The following CFAP299 variants were observed in gnomAD, a reference collection of about 807,000 sequenced individuals.
The protein encoded by CFAP299 is cilia and flagella associated protein 299.
A neutral mutation model predicts 27.0 loss-of-function variants in CFAP299; 21 were observed. That is an observed-to-expected ratio of 0.78 (90% CI 0.55 to 1.12). The LOEUF (loss-of-function observed/expected upper bound fraction) is 1.12, where lower values mean the gene tolerates loss of function less well. CFAP299 is among the 50% of genes most tolerant of loss of function. The pLI is 0.00. For missense variants in CFAP299, 310 were observed against 276.6 expected, an observed-to-expected ratio of 1.12 and a Z score of -0.86; for synonymous variants, 104 against 98.1, an observed-to-expected ratio of 1.06 and a Z score of -0.36.
At chr4:80,477,519 T>C (rs987123155) in intron 2 of CFAP299, among the ~76,000 whole-genome samples, 2 of 152,188 alleles carry the variant, frequency 1.3e-5, no homozygotes, top group African/African-American at 4.8e-5. Flanking sequence ...ATTGAGCTTG[T>C]TCACCGCCAT....
Position 80,893,974 on chromosome 4 carries a change from A to T in CFAP299, c.476+23839A>T, listed in dbSNP as rs75891130. Among the ~76,000 whole-genome samples, 555 of 152,092 alleles carry T rather than the reference A, an allele frequency of 3.6e-3. 2 individuals are homozygous for T. Among genetic ancestry groups the T allele is most frequent in the African/African-American group, 0.013 (521 of 41,552 alleles). ...TTGCAAACCACACATCTGATAAGGG[A>T]TTAATATCCAAAATATATAAGAAAC... is the stretch of plus-strand genomic sequence containing the variant. On this transcript the variant is annotated intron_variant, in intron 4 of 5. Coordinates refer to ENST00000358105, the MANE Select transcript of CFAP299 (RefSeq NM_152770.3).
rs1354960908 is a variant in CFAP299 at position 80,644,262 on chromosome 4, G to A, written c.333+61079G>A. 2.6e-5 allele frequency among the ~76,000 whole-genome samples: 4 copies of A among 152,114 alleles called. No homozygotes were observed. The East Asian group carries it at 7.7e-4, about 29-fold the overall frequency. On this transcript the variant is annotated intron_variant, in intron 3 of 5. Transcript: ENST00000358105. ...TATTACTATGAAAAACAATATAAAA[G>A]GATACAAGCTATTAGCATCGATTAT...
intron 4 of CFAP299, among the ~76,000 whole-genome samples, chr4:80,895,335 CTAAAA>C (rs1734562971): frequency 6.6e-6 from 1 of 151,096 alleles, no homozygotes; most frequent in Non-Finnish European, 1.5e-5. Context: ...GCCTCAAAAA[CTAAAA>C]TGAGTTATTG....
At chr4:80,878,103 T>C (rs183073613) in intron 4 of CFAP299, among the ~76,000 whole-genome samples, 1 of 152,284 alleles carries the variant, frequency 6.6e-6, no homozygotes, top group East Asian at 1.9e-4. Flanking sequence ...GTCCAAAATG[T>C]ATTATAGCTA....
At position 80,494,266 on chromosome 4, in the gene CFAP299, G is replaced by A. The variant is rs550725313; in HGVS notation, c.243-88827G>A. The stretch of plus-strand genomic sequence containing the variant: ...GTTCTACCTTCAAAATGTATCTCAA[G>A]CTCTTCCCATTATCCTCACTATCTT... On this transcript the variant is annotated intron_variant, in intron 2 of 5. Transcript: ENST00000358105. Among the ~76,000 whole-genome samples the A allele has an allele frequency of 2.6e-5, 4 of 152,206 alleles. No homozygotes were observed. In the South Asian group the frequency reaches 8.3e-4, roughly 31 times the overall value.
intron 2 of CFAP299, among the ~76,000 whole-genome samples, chr4:80,514,084 GT>G (rs1008833093): frequency 6.6e-6 from 1 of 151,966 alleles, no homozygotes; most frequent in Admixed American, 6.6e-5. Context: ...AAAAATGTGT[GT>G]TTTTTTGTTT....
chr4:80,455,890 C>CA (rs1729125953), intron 2 of CFAP299, among the ~76,000 whole-genome samples: 3 of 151,236 alleles, frequency 2.0e-5, no homozygotes, highest in Non-Finnish European at 4.4e-5. Context: ...TCAAAACATA[C>CA]AAAAAATCCA....
At chr4:80,836,215 C>T (rs1730552788) in intron 3 of CFAP299, among the ~76,000 whole-genome samples, 1 of 152,148 alleles carries the variant, frequency 6.6e-6, no homozygotes. Flanking sequence ...ATTTGAATAA[C>T]ACTTTCTAAT....
At chr4:80,809,873 G>T (rs1368463320) in intron 3 of CFAP299, among the ~76,000 whole-genome samples, 3 of 151,946 alleles carry the variant, frequency 2.0e-5, no homozygotes, top group Non-Finnish European at 2.9e-5. Context: ...ACAATTTTTT[G>T]GGGGTTTGAA....
At chr4:80,502,913 A>G (rs1578523804) in intron 2 of CFAP299, among the ~76,000 whole-genome samples, 1 of 152,252 alleles carries the variant, frequency 6.6e-6, no homozygotes, top group Non-Finnish European at 1.5e-5. Context: ...GTTAGAATAA[A>G]ACTCCAGGAG....
chr4:80,671,555 G>A (rs1578000094), intron 3 of CFAP299, among the ~76,000 whole-genome samples: 1 of 152,112 alleles, frequency 6.6e-6, no homozygotes, highest in African/African-American at 2.4e-5. Flanking sequence ...GCTTGATGGG[G>A]ATGGCATTGA....
chr4:80,417,192 G>T (rs1362675207), intron 2 of CFAP299, among the ~76,000 whole-genome samples: 1 of 152,182 alleles, frequency 6.6e-6, no homozygotes, highest in African/African-American at 2.4e-5. Context: ...CATGGCGCTG[G>T]TGGGGGTGAT....
intron 4 of CFAP299, among the ~76,000 whole-genome samples, chr4:80,934,540 CT>C (rs200517641): frequency 6.8e-4 from 100 of 146,610 alleles, no homozygotes; most frequent in Non-Finnish European, 1.0e-3. Flanking sequence ...TTTTTCTAAG[CT>C]TTTTTTTTTC....
chr4:80,397,926 A>G (rs891352475), intron 2 of CFAP299, among the ~76,000 whole-genome samples: 1 of 152,228 alleles, frequency 6.6e-6, no homozygotes, highest in Admixed American at 6.5e-5. Flanking sequence ...ATGATTGTAT[A>G]TTTAGAAAAC....
At chr4:80,824,104 G>T (rs941720356) in intron 3 of CFAP299, among the ~76,000 whole-genome samples, 1 of 152,034 alleles carries the variant, frequency 6.6e-6, no homozygotes, top group Non-Finnish European at 1.5e-5. Context: ...GATTCTAATA[G>T]GTTGATGGAG....
intron 4 of CFAP299, among the ~76,000 whole-genome samples, chr4:80,889,342 A>G (rs1204676706): frequency 1.3e-5 from 2 of 152,034 alleles, no homozygotes; most frequent in East Asian, 3.8e-4. Flanking sequence ...AGTGGCTACT[A>G]TGAGCAAATA....
chr4:80,833,506 GGAA>G (rs1049654755), intron 3 of CFAP299, among the ~76,000 whole-genome samples: 21 of 152,016 alleles, frequency 1.4e-4, no homozygotes, highest in Non-Finnish European at 2.9e-4. Context: ...AAATGAGGAG[GGAA>G]GAAGAGGAGG....
At chr4:80,597,724 G>C (rs1737131785) in intron 3 of CFAP299, among the ~76,000 whole-genome samples, 1 of 151,676 alleles carries the variant, frequency 6.6e-6, no homozygotes, top group Non-Finnish European at 1.5e-5. Flanking sequence ...GTATTGCTCT[G>C]TCACCCAGGC....
At chr4:80,460,369 T>G (rs995485054) in intron 2 of CFAP299, among the ~76,000 whole-genome samples, 2 of 152,188 alleles carry the variant, frequency 1.3e-5, no homozygotes, top group Non-Finnish European at 2.9e-5. Flanking sequence ...GCTATTCTTG[T>G]GTTTTTAGAC....
Sources: gnomAD v4.1 joint callset for allele counts (sites outside exome capture counted in the v4.1 genomes callset) on GRCh38, gnomAD v4.1.1 for gene constraint, MANE v1.5 for transcripts, NCBI Gene and HGNC (gene_info 2026-07-23, HGNC 2026-07-21) for gene names.